Variants in FLT1 observed in about 807,000 individuals in gnomAD.
The protein encoded by FLT1 is fms related receptor tyrosine kinase 1, also known as vascular endothelial growth factor receptor 1.
Under a neutral mutation model 156.3 loss-of-function variants are expected in FLT1, and 49 were observed. That is an observed-to-expected ratio of 0.31 (90% CI 0.25 to 0.40). The LOEUF is 0.40. Among genes scored for constraint, FLT1 ranks in the 10% least tolerant of loss-of-function variants. The pLI is 1.00. For synonymous variants in FLT1, 594 were observed against 583.8 expected (o/e 1.02, Z -0.25); for missense variants, 1,322 against 1,637.2 (o/e 0.81, Z 3.32).
At chr13:28,433,261 A>C (rs890451838) in intron 6 of FLT1, among the ~76,000 whole-genome samples, 1 of 152,228 alleles carries the variant, frequency 6.6e-6, no homozygotes, top group Non-Finnish European at 1.5e-5. Context: ...GATTTGAATA[A>C]GGGAACCCAA....
intron 1 of FLT1, among the ~76,000 whole-genome samples, chr13:28,478,307 A>G (rs771268653): frequency 4.6e-5 from 7 of 152,226 alleles, no homozygotes; most frequent in Non-Finnish European, 8.8e-5. Context: ...TCTGTTTTAC[A>G]TAGCATCAGG....
At chr13:28,307,916 A>C (rs890863581) in intron 28 of FLT1, among the ~76,000 whole-genome samples, 7 of 152,018 alleles carry the variant, frequency 4.6e-5, no homozygotes, top group Non-Finnish European at 8.8e-5. Flanking sequence ...GGACTACAGG[A>C]GCCCACCACC....
At chr13:28,430,340 G>A (rs1446538178) in intron 7 of FLT1, among the ~76,000 whole-genome samples, 173 bp from the exon 8 acceptor site, 1 of 152,178 alleles carries the variant, frequency 6.6e-6, no homozygotes, top group Non-Finnish European at 1.5e-5. Flanking sequence ...TAAAAGCACT[G>A]TAATTGGTGA....
At chr13:28,379,337 AAAAAC>A (rs1482460744) in intron 14 of FLT1, among the ~76,000 whole-genome samples, 6 of 152,206 alleles carry the variant, frequency 3.9e-5, no homozygotes, top group Non-Finnish European at 8.8e-5. Flanking sequence ...CCATCTCAAA[AAAAAC>A]AAAACAAAAC....
rs968615265 is a variant in FLT1, at chr13:28,303,501, CCCT to C, written c.3816-136_3816-134del. 6.8e-5 allele frequency: 53 copies of C among 776,050 alleles called. No individual in the cohort carries two copies. The African/African-American group carries it at 8.4e-4, about 12-fold the overall frequency. The allele number at this position is 776,050 out of a possible 1,614,324, so 48.1% of individuals were successfully genotyped here. ...AGTTCATGGTTTTGGAACCCCCCCC[CCCT>C]CAATTGCTGTCAGATTTCCTCTGTT... On this transcript the variant is annotated intron_variant, in intron 29 of 29. Coordinates refer to ENST00000282397, the MANE Select transcript of FLT1 (RefSeq NM_002019.4).
chr13:28,308,801 G>T (rs1870859680), intron 28 of FLT1, 42 bp downstream of exon 28: 4 of 1,152,540 alleles, frequency 3.5e-6, no homozygotes, highest in African/African-American at 1.5e-5. Flanking sequence ...CTGAAGAAGG[G>T]GTCTATCGGG....
intron 27 of FLT1, among the ~76,000 whole-genome samples, chr13:28,309,825 T>C (rs1057513296): frequency 7.9e-5 from 12 of 152,036 alleles, no homozygotes; most frequent in African/African-American, 2.9e-4. Flanking sequence ...CAAGTCTGGA[T>C]TTGCCCACTG....
chr13:28,455,706 A>G lies in FLT1; in HGVS notation c.388+11197T>C, dbSNP rs149818368. Among the ~76,000 whole-genome samples, 9 of 152,346 alleles carry G rather than the reference A, an allele frequency of 5.9e-5. 1 individual carries two copies. The highest frequency in any genetic ancestry group is 2.2e-4 in the African/African-American group (9 of 41,588). The stretch of plus-strand genomic sequence containing the variant: ...TCAAGAGAATGAGAAGACAGGGCAC[A>G]GACTGGGAGAAAATATTTGCAAAAG... On this transcript the variant is annotated intron_variant, in intron 3 of 29. Transcript: ENST00000282397.
At chr13:28,342,956 C>CTT (rs1872395483) in intron 16 of FLT1, among the ~76,000 whole-genome samples, 1 of 151,306 alleles carries the variant, frequency 6.6e-6, no homozygotes, top group African/African-American at 2.4e-5. Flanking sequence ...TTCTCTCTCT[C>CTT]TCTCTCTCTC....
At chr13:28,486,829 T>C (rs1309211015) in intron 1 of FLT1, among the ~76,000 whole-genome samples, 1 of 152,246 alleles carries the variant, frequency 6.6e-6, no homozygotes, top group Admixed American at 6.5e-5. Context: ...CTAGTGATGA[T>C]TTAGTGCCTT....
At position 28,475,240 on chromosome 13, in the gene FLT1, A is replaced by C. The variant is rs577992469; in HGVS notation, c.65-7623T>G. Among the ~76,000 whole-genome samples the C allele has an allele frequency of 7.9e-5, 12 of 152,352 alleles. No homozygotes were observed. In the East Asian group the frequency reaches 2.1e-3, roughly 27 times the overall value. ...GAAATTTTTAACAAATTATGTCACT[A>C]GGACTCTGAATAAATCTGGTGTTTC... On this transcript the variant is annotated intron_variant, in intron 1 of 29. Coordinates refer to ENST00000282397, the MANE Select transcript of FLT1 (RefSeq NM_002019.4).
chr13:28,375,155 C>T (rs1262218362), intron 14 of FLT1, among the ~76,000 whole-genome samples: 1 of 152,140 alleles, frequency 6.6e-6, no homozygotes, highest in Admixed American at 6.5e-5. Flanking sequence ...AGGTGCAAGA[C>T]CTAAATCACC....
At chr13:28,416,021 C>T (rs1876625569) in intron 10 of FLT1, among the ~76,000 whole-genome samples, 1 of 152,224 alleles carries the variant, frequency 6.6e-6, no homozygotes, top group Admixed American at 6.5e-5. Context: ...CCTAAAAGTA[C>T]TAGAAGTACC....
At chr13:28,371,030 T>C (rs1873539595) in intron 14 of FLT1, among the ~76,000 whole-genome samples, 1 of 152,192 alleles carries the variant, frequency 6.6e-6, no homozygotes, top group Non-Finnish European at 1.5e-5. Context: ...CATATTACAG[T>C]GTATGCCTGC....
intron 12 of FLT1, among the ~76,000 whole-genome samples, chr13:28,396,464 A>C (rs1254581463): frequency 6.6e-6 from 1 of 152,240 alleles, no homozygotes. Flanking sequence ...GCTATCAAAA[A>C]ATAGCACATT....
intron 15 of FLT1, among the ~76,000 whole-genome samples, chr13:28,346,691 C>A (rs1024860512): frequency 2.0e-5 from 3 of 152,010 alleles, no homozygotes; most frequent in Non-Finnish European, 2.9e-5. Context: ...GCTTGGGCAA[C>A]AGAGCAAGAC....
At chr13:28,466,852 G>T in intron 3 of FLT1, 51 bp downstream of exon 3, 2 of 1,255,816 alleles carry the variant, frequency 1.6e-6, no homozygotes, top group Non-Finnish European at 2.3e-6. Flanking sequence ...GTAGATTTAT[G>T]ACTCATTTGC....
At chr13:28,405,946 A>C in intron 10 of FLT1, 52 bp from the exon 11 acceptor site, 1 of 905,992 alleles carries the variant, frequency 1.1e-6, no homozygotes, top group East Asian at 2.4e-5. Flanking sequence ...GGTTCAGTCA[A>C]TGGGGACAGG....
Position 28,345,495 on chromosome 13 carries a change from C to T in FLT1, c.2305G>A (p.Ala769Thr), listed in dbSNP as rs2138859273. 6.2e-7 allele frequency: 1 copy of T among 1,613,448 alleles called. No homozygotes were observed. The highest frequency in any genetic ancestry group is 8.5e-7 in the Non-Finnish European group (1 of 1,179,606). The change falls in exon 16 of 30, where the codon GCG becomes ACG. Residue 769 changes from alanine (A) to threonine (T), a missense_variant. Around this residue, in one of 3 missense-constraint regions of FLT1, gnomAD observed 991 missense variants for 1,254.8 expected, o/e 0.79. Coordinates refer to ENST00000282397, the MANE Select transcript of FLT1 (RefSeq NM_002019.4). ...LITLTCTCVA[A>T]TLFWLLLTLF... ...GTTAATAGGAGCCAGAAGAGAGTCG[C>T]AGCCACACAGGTGCATGTTAGAGTG...
Sources: gnomAD v4.1 joint callset for allele counts (sites outside exome capture counted in the v4.1 genomes callset) on GRCh38, gnomAD v4.1.1 for gene constraint, gnomAD v4.1.1 regional missense constraint, MANE v1.5 for transcripts, NCBI Gene and HGNC (gene_info 2026-07-23, HGNC 2026-07-21) for gene names.